IL1RAPL2: variants seen among roughly 807,000 people sequenced by gnomAD.
IL1RAPL2 encodes X-linked interleukin-1 receptor accessory protein-like 2.
Under a neutral mutation model 44.1 loss-of-function variants are expected in IL1RAPL2, and 3 were observed. The observed-to-expected ratio is 0.07, with a 90% CI of 0.03 to 0.18. The LOEUF is 0.18. Among genes scored for constraint, IL1RAPL2 ranks in the 10% least tolerant of loss-of-function variants. The pLI, the probability that IL1RAPL2 is intolerant of heterozygous loss-of-function variation, is 1.00. For missense variants in IL1RAPL2, 391 were observed against 496.4 expected (o/e 0.79, Z 2.02); for synonymous variants, 181 against 178.8 (o/e 1.01, Z -0.10).
chrX:104,724,248 C>T (rs1292456038), intron 2 of IL1RAPL2, among the ~76,000 whole-genome samples: 1 of 110,660 alleles, frequency 9.0e-6, no homozygotes, highest in Non-Finnish European at 1.9e-5. Flanking sequence ...ACTCACAATG[C>T]GACAGAGGGA....
intron 4 of IL1RAPL2, among the ~76,000 whole-genome samples, chrX:105,239,836 G>A (rs1238215850): frequency 9.0e-6 from 1 of 111,437 alleles, no homozygotes; most frequent in Non-Finnish European, 1.9e-5. Context: ...TTCAGTTAGT[G>A]AACCGTAAAA....
chrX:105,365,553 T>G (rs1289806635), intron 5 of IL1RAPL2, among the ~76,000 whole-genome samples: 1 of 111,341 alleles, frequency 9.0e-6, no homozygotes, highest in Non-Finnish European at 1.9e-5. Flanking sequence ...GGGAGATTTT[T>G]TATTAGTGAT....
At chrX:104,960,736 T>C (rs770786745) in intron 2 of IL1RAPL2, among the ~76,000 whole-genome samples, 45 of 110,647 alleles carry the variant, frequency 4.1e-4, no homozygotes, top group Middle Eastern at 4.6e-3. Flanking sequence ...AAGTATCTAA[T>C]TATAGTTTTG....
At chrX:105,346,305 C>G (rs2035109749) in intron 5 of IL1RAPL2, among the ~76,000 whole-genome samples, 2 of 111,645 alleles carry the variant, frequency 1.8e-5, no homozygotes, top group Non-Finnish European at 3.8e-5. Flanking sequence ...GAGCTTTGAA[C>G]ACACAATGTA....
intron 2 of IL1RAPL2, among the ~76,000 whole-genome samples, chrX:104,720,981 A>G (rs1414630066): frequency 3.6e-5 from 4 of 111,460 alleles, no homozygotes; most frequent in Non-Finnish European, 7.6e-5. Flanking sequence ...ACGATGAGAT[A>G]CCATCTCATA....
chrX:105,299,806 A>G (rs1008950212), intron 5 of IL1RAPL2, among the ~76,000 whole-genome samples: 1 of 111,923 alleles, frequency 8.9e-6, no homozygotes, highest in African/African-American at 3.2e-5. Context: ...AACTCTAACT[A>G]TATTTCTGTT....
chrX:104,872,050 T>C (rs940296036), intron 2 of IL1RAPL2, among the ~76,000 whole-genome samples: 1 of 111,500 alleles, frequency 9.0e-6, no homozygotes, highest in African/African-American at 3.3e-5. Flanking sequence ...GCCAAGATGA[T>C]GGACAAAGCA....
intron 2 of IL1RAPL2, among the ~76,000 whole-genome samples, chrX:105,037,920 A>G (rs1304488779): frequency 9.0e-6 from 1 of 111,582 alleles, no homozygotes; most frequent in Non-Finnish European, 1.9e-5. Flanking sequence ...GTAGGAGGGG[A>G]CACTCATTCC....
intron 1 of IL1RAPL2, among the ~76,000 whole-genome samples, chrX:104,634,533 C>G (rs956493064): frequency 9.0e-6 from 1 of 111,622 alleles, no homozygotes; most frequent in Non-Finnish European, 1.9e-5. Context: ...TGCTCCTGTG[C>G]TGGGTGCATA....
chrX:105,737,348 C>T (rs2038459029), intron 7 of IL1RAPL2, among the ~76,000 whole-genome samples: 1 of 110,761 alleles, frequency 9.0e-6, no homozygotes, highest in African/African-American at 3.3e-5. Flanking sequence ...TACCCCTGAA[C>T]CTAAAATTAA....
chrX:105,253,540 G>A (rs1183952186), intron 4 of IL1RAPL2, among the ~76,000 whole-genome samples: 6 of 109,560 alleles, frequency 5.5e-5, no homozygotes, highest in African/African-American at 2.0e-4. Flanking sequence ...TAAAATTTCT[G>A]CCATATCTGA....
chrX:104,896,252 A>C lies in IL1RAPL2; in HGVS notation c.82+237257A>C, dbSNP rs186086832. Among the ~76,000 whole-genome samples the C allele has an allele frequency of 1.6e-3, 178 of 111,696 alleles. 1 individual carries two copies. The highest frequency in any genetic ancestry group is 2.2e-3 in the Non-Finnish European group (118 of 53,138). On this transcript the variant is annotated intron_variant, in intron 2 of 10. Coordinates refer to ENST00000372582, the MANE Select transcript of IL1RAPL2 (RefSeq NM_017416.2). ...CCTCCTTGTCAAATTTGTTTCCTCT[A>C]GAATTGAGGCCGTCAAGCTACAGAT...
At chrX:104,731,217 G>A (rs1272879236) in intron 2 of IL1RAPL2, among the ~76,000 whole-genome samples, 2 of 109,460 alleles carry the variant, frequency 1.8e-5, no homozygotes, top group Non-Finnish European at 3.8e-5. Flanking sequence ...AAGCTCTTTA[G>A]TTTAATTAGA....
intron 2 of IL1RAPL2, among the ~76,000 whole-genome samples, chrX:104,716,823 G>C (rs917156091): frequency 8.9e-6 from 1 of 111,971 alleles, no homozygotes; most frequent in African/African-American, 3.2e-5. Flanking sequence ...CACTATTGGT[G>C]GGAATGTAAA....
At chrX:104,768,479 C>T (rs1362693872) in intron 2 of IL1RAPL2, among the ~76,000 whole-genome samples, 2 of 111,343 alleles carry the variant, frequency 1.8e-5, no homozygotes, top group Non-Finnish European at 3.8e-5. Flanking sequence ...TGATTGGGAC[C>T]CAAACTATTC....
intron 6 of IL1RAPL2, among the ~76,000 whole-genome samples, chrX:105,693,348 G>A (rs1275448551): frequency 9.0e-6 from 1 of 111,645 alleles, no homozygotes; most frequent in Non-Finnish European, 1.9e-5. Flanking sequence ...CCTCGTGACG[G>A]TCTTGGTGCC....
chrX:105,651,363 A>T (rs772997149), intron 6 of IL1RAPL2, among the ~76,000 whole-genome samples: 3 of 111,773 alleles, frequency 2.7e-5, no homozygotes, highest in African/African-American at 9.7e-5. Context: ...GCAATGAAGG[A>T]TGTCAAACAT....
At chrX:104,608,061 G>A (rs1055148916) in intron 1 of IL1RAPL2, among the ~76,000 whole-genome samples, 2 of 111,678 alleles carry the variant, frequency 1.8e-5, no homozygotes, top group Non-Finnish European at 3.8e-5. Context: ...AAAAAAGGAT[G>A]AGTTCATGTC....
chrX:104,600,740 C>G (rs899059785), intron 1 of IL1RAPL2, among the ~76,000 whole-genome samples: 10 of 111,335 alleles, frequency 9.0e-5, no homozygotes, highest in African/African-American at 3.3e-4. Context: ...CATTGGTTAG[C>G]TTCCAATTAT....
Sources: allele counts gnomAD v4.1 joint callset (sites outside exome capture counted in the v4.1 genomes callset), GRCh38; gene constraint gnomAD v4.1.1; transcripts MANE v1.5; gene names NCBI Gene and HGNC (gene_info 2026-07-23, HGNC 2026-07-21).